Variants in PTPRZ1 observed in about 807,000 individuals in gnomAD.
PTPRZ1 encodes the protein protein tyrosine phosphatase receptor type Z1.
A neutral mutation model predicts 214.1 loss-of-function variants in PTPRZ1; 82 were observed. That is an observed-to-expected ratio of 0.38 (90% confidence interval 0.32 to 0.46). The LOEUF (loss-of-function observed/expected upper bound fraction) is 0.46, where lower values mean the gene tolerates loss of function less well. Among genes scored for constraint, PTPRZ1 ranks in the 20% least tolerant of loss-of-function variants. PTPRZ1 has a pLI of 1.00. For synonymous variants in PTPRZ1, 945 were observed against 987.9 expected (o/e 0.96, Z 0.81); for missense variants, 2,603 against 2,748.7 (o/e 0.95, Z 1.19).
rs1797414250 is a variant in PTPRZ1 at position 121,975,881 on chromosome 7, A to G, written c.457-292A>G. Among the ~76,000 whole-genome samples the G allele has an allele frequency of 2.0e-5, 3 of 152,218 alleles. No homozygotes were observed. In the South Asian group the frequency reaches 6.2e-4, roughly 31 times the overall value. ...ACTCTTGAGAAAGACAGAAAATTAT[A>G]TTTAAAATAATTCCATAAAGCAGTT... On this transcript the variant is annotated intron_variant, in intron 4 of 29. Transcript: ENST00000393386.
At chr7:121,893,112 A>C (rs1794688600) in intron 1 of PTPRZ1, among the ~76,000 whole-genome samples, 1 of 152,014 alleles carries the variant, frequency 6.6e-6, no homozygotes, top group Non-Finnish European at 1.5e-5. Flanking sequence ...AGAGGTGTAC[A>C]TTTTTAACAA....
chr7:121,932,664 T>C (rs1019221), intron 2 of PTPRZ1, among the ~76,000 whole-genome samples: 53,606 of 151,968 alleles, frequency 0.35, 10,199 homozygotes, highest in African/African-American at 0.49. Context: ...GGCTTGTCTG[T>C]AAAAGAACTA....
chr7:121,996,191 T>A lies in PTPRZ1; in HGVS notation c.929-191T>A, dbSNP rs999801236. 2.6e-5 allele frequency among the ~76,000 whole-genome samples: 4 copies of A among 152,188 alleles called. No individual in the cohort carries two copies. The South Asian group carries it at 8.3e-4, about 32-fold the overall frequency. On this transcript the variant is annotated intron_variant, in intron 8 of 29. Transcript: ENST00000393386. ...AATGGAAAGCTGGGATTTGAACAGA[T>A]AGAGTTAAGAGGGGTGGAAAGAGTA...
chr7:121,922,815 A>G (rs79080011), intron 1 of PTPRZ1, among the ~76,000 whole-genome samples: 9,007 of 152,192 alleles, frequency 0.059, 313 homozygotes, highest in Non-Finnish European at 0.085. Context: ...GCCTTCACAA[A>G]CTACCTATAT....
At chr7:121,980,904 A>G (rs1797586541) in intron 6 of PTPRZ1, among the ~76,000 whole-genome samples, 1 of 152,184 alleles carries the variant, frequency 6.6e-6, no homozygotes, top group African/African-American at 2.4e-5. Context: ...GCACTTTGGG[A>G]GGCCGAGGCG....
intron 2 of PTPRZ1, among the ~76,000 whole-genome samples, chr7:121,961,587 C>T (rs929148367): frequency 3.3e-5 from 5 of 152,238 alleles, no homozygotes; most frequent in Non-Finnish European, 7.3e-5. Flanking sequence ...AGCTAACAAA[C>T]TTGAACTCAT....
intron 2 of PTPRZ1, among the ~76,000 whole-genome samples, chr7:121,950,777 A>C (rs1796523078): frequency 6.6e-6 from 1 of 152,178 alleles, no homozygotes; most frequent in South Asian, 2.1e-4. Context: ...GAAAATTCAT[A>C]TTTGTATTTT....
At chr7:122,047,120 A>G (rs553512067) in intron 23 of PTPRZ1, among the ~76,000 whole-genome samples, 79 of 152,314 alleles carry the variant, frequency 5.2e-4, no homozygotes, top group African/African-American at 1.9e-3. Flanking sequence ...TGACAAATCA[A>G]GTATGTTGGG....
chr7:121,974,480 TTTG>T (rs1043496832), intron 4 of PTPRZ1, among the ~76,000 whole-genome samples: 5 of 151,986 alleles, frequency 3.3e-5, no homozygotes, highest in South Asian at 2.1e-4. Context: ...GTATTGGGGT[TTTG>T]TTGTTGTTGT....
chr7:122,058,793 G>A lies in PTPRZ1; in HGVS notation c.6529-7G>A. On this transcript the variant is annotated splice_polypyrimidine_tract_variant and splice_region_variant and intron_variant, in intron 27 of 29. Transcript: ENST00000393386. ...AACTAACATTACTTTGTGTTTTCTTGTTATAGGATGATTATGTACTTGAAG... is the reference window on the plus strand; with the variant it reads ...AACTAACATTACTTTGTGTTTTCTTATTATAGGATGATTATGTACTTGAAG... 1 of 1,599,146 alleles carries A rather than the reference G, an allele frequency of 6.3e-7. No homozygotes were observed. Among genetic ancestry groups the A allele is most frequent in the Middle Eastern group, 1.7e-4 (1 of 5,940 alleles).
chr7:121,983,590 C>G (rs1184069197), intron 6 of PTPRZ1, 75 bp from the exon 7 acceptor site: 2 of 1,305,718 alleles, frequency 1.5e-6, no homozygotes, highest in African/African-American at 3.0e-5. Flanking sequence ...GCATGTGTCT[C>G]TGTTTCATAG....
intron 12 of PTPRZ1, among the ~76,000 whole-genome samples, chr7:122,015,987 G>A (rs1252692414): frequency 1.3e-5 from 2 of 151,994 alleles, no homozygotes; most frequent in Non-Finnish European, 2.9e-5. Flanking sequence ...TTTATCAAAT[G>A]CATGCAGACT....
intron 2 of PTPRZ1, among the ~76,000 whole-genome samples, chr7:121,936,168 A>C (rs981039640): frequency 1.1e-4 from 17 of 152,252 alleles, no homozygotes; most frequent in Admixed American, 6.5e-4. Flanking sequence ...CTTTAAACCA[A>C]GAATTTTCAA....
At chr7:122,033,845 T>C (rs1799457972) in intron 15 of PTPRZ1, 2 of 490,268 alleles carry the variant, frequency 4.1e-6, no homozygotes, top group Admixed American at 3.9e-5. Flanking sequence ...AATCATCATA[T>C]TATGACATCA....
At chr7:121,886,273 C>T (rs192106352) in intron 1 of PTPRZ1, among the ~76,000 whole-genome samples, 1 of 152,190 alleles carries the variant, frequency 6.6e-6, no homozygotes, top group East Asian at 1.9e-4. Context: ...TATAATCCTA[C>T]CTGGGATCTG....
At chr7:122,014,587 C>T (rs1798790547) in intron 12 of PTPRZ1, among the ~76,000 whole-genome samples, 1 of 152,076 alleles carries the variant, frequency 6.6e-6, no homozygotes, top group African/African-American at 2.4e-5. Context: ...TACAGGCGCC[C>T]ACCACCACGC....
chr7:121,963,177 CAA>C (rs1477041042), intron 2 of PTPRZ1, among the ~76,000 whole-genome samples: 1 of 152,050 alleles, frequency 6.6e-6, no homozygotes, highest in Non-Finnish European at 1.5e-5. Context: ...ATAGTTTAAA[CAA>C]GAGCTACACA....
chr7:122,022,924 G>A (rs956324075), intron 13 of PTPRZ1, among the ~76,000 whole-genome samples: 3 of 152,100 alleles, frequency 2.0e-5, no homozygotes, highest in Non-Finnish European at 2.9e-5. Flanking sequence ...TTATGTTTAC[G>A]ATCAGTGGAT....
chr7:121,927,058 A>C (rs1795786565), intron 1 of PTPRZ1, among the ~76,000 whole-genome samples: 1 of 152,220 alleles, frequency 6.6e-6, no homozygotes, highest in South Asian at 2.1e-4. Flanking sequence ...TATAACATGA[A>C]AGAAAGAAAA....
Sources: allele counts gnomAD v4.1 joint callset (sites outside exome capture counted in the v4.1 genomes callset), GRCh38; gene constraint gnomAD v4.1.1; transcripts MANE v1.5; gene names NCBI Gene and HGNC (gene_info 2026-07-23, HGNC 2026-07-21).